NRXN3: variants seen among roughly 807,000 people sequenced by gnomAD.
The protein encoded by NRXN3 is neurexin III.
Under a neutral mutation model 137.6 loss-of-function variants are expected in NRXN3, and 32 were observed. That is an observed-to-expected ratio of 0.23 (90% CI 0.18 to 0.31). The LOEUF (loss-of-function observed/expected upper bound fraction) is 0.31. Among genes scored for constraint, NRXN3 ranks in the 10% least tolerant of loss-of-function variants. The probability of loss-of-function intolerance (pLI) is 1.00; values close to 1 mark genes in which losing one functional copy is unlikely to be tolerated. For synonymous variants in NRXN3, 798 were observed against 784.5 expected (o/e 1.02, Z -0.29); for missense variants, 1,574 against 2,062.5 (o/e 0.76, Z 4.59).
chr14:78,996,073 T>C (rs547776867), intron 15 of NRXN3, among the ~76,000 whole-genome samples: 40 of 152,340 alleles, frequency 2.6e-4, no homozygotes, highest in Admixed American at 1.2e-3. Context: ...AGTGTCCTTT[T>C]ATAACATTAG....
intron 10 of NRXN3, among the ~76,000 whole-genome samples, chr14:78,842,723 G>T (rs181414651): frequency 1.1e-4 from 16 of 151,986 alleles, no homozygotes; most frequent in Admixed American, 5.3e-4. Flanking sequence ...AAAGACAGCC[G>T]CCCCCAAAGT....
At chr14:79,702,682 G>A (rs754626353) in intron 19 of NRXN3, among the ~76,000 whole-genome samples, 1 of 152,012 alleles carries the variant, frequency 6.6e-6, no homozygotes, top group Non-Finnish European at 1.5e-5. Context: ...AGGGCCCAGA[G>A]GGGTAAACTG....
chr14:78,595,492 G>A (rs2097151244), intron 4 of NRXN3, among the ~76,000 whole-genome samples: 1 of 151,878 alleles, frequency 6.6e-6, no homozygotes, highest in Non-Finnish European at 1.5e-5. Flanking sequence ...TAGACTGGGG[G>A]GTGGCAGATG....
intron 15 of NRXN3, among the ~76,000 whole-genome samples, chr14:79,228,867 G>GT (rs1189632462): frequency 6.6e-6 from 1 of 152,046 alleles, no homozygotes; most frequent in South Asian, 2.1e-4. Flanking sequence ...TCACCTTTTA[G>GT]TTTTTTTAGA....
At chr14:78,867,383 A>T (rs2152553696) in intron 10 of NRXN3, among the ~76,000 whole-genome samples, 1 of 152,346 alleles carries the variant, frequency 6.6e-6, no homozygotes, top group South Asian at 2.1e-4. Context: ...CTTTTTAAAA[A>T]GATGTCTATT....
chr14:79,460,124 C>T (rs1199671199), intron 15 of NRXN3, among the ~76,000 whole-genome samples: 3 of 152,012 alleles, frequency 2.0e-5, no homozygotes, highest in Non-Finnish European at 4.4e-5. Context: ...AAACTATGTG[C>T]GTGTGTATTT....
chr14:79,737,212 G>C, intron 19 of NRXN3, among the ~76,000 whole-genome samples: 1 of 152,120 alleles, frequency 6.6e-6, no homozygotes, highest in Admixed American at 6.5e-5. Context: ...CCCGATTATT[G>C]GCCCATGGGT....
At chr14:79,279,491 C>T in intron 15 of NRXN3, 1 of 986,352 alleles carries the variant, frequency 1.0e-6, no homozygotes, top group Non-Finnish European at 1.2e-6. Flanking sequence ...GCTGATTTCG[C>T]CCACCCACCT....
chr14:79,307,528 A>G (rs2086301915), intron 15 of NRXN3, among the ~76,000 whole-genome samples: 1 of 152,128 alleles, frequency 6.6e-6, no homozygotes, highest in African/African-American at 2.4e-5. Flanking sequence ...ATTCAGGAGC[A>G]GCCTAGCTGG....
intron 14 of NRXN3, among the ~76,000 whole-genome samples, chr14:78,974,518 C>T (rs765627413): frequency 1.3e-5 from 2 of 152,094 alleles, no homozygotes; most frequent in Admixed American, 1.3e-4. Flanking sequence ...TTTACCAAAG[C>T]GTAGATACAG....
At chr14:79,256,725 G>T (rs189567033) in intron 15 of NRXN3, among the ~76,000 whole-genome samples, 2 of 152,208 alleles carry the variant, frequency 1.3e-5, no homozygotes, top group Non-Finnish European at 2.9e-5. Flanking sequence ...GCTTTCTCTC[G>T]GGTCACAATT....
chr14:78,306,953 T>A (rs1273920193), intron 4 of NRXN3, among the ~76,000 whole-genome samples: 4 of 152,098 alleles, frequency 2.6e-5, no homozygotes, highest in Admixed American at 2.6e-4. Context: ...AAGCCTTAAA[T>A]GCATTGTTTT....
intron 4 of NRXN3, among the ~76,000 whole-genome samples, chr14:78,632,868 G>T (rs1317086132): frequency 6.6e-6 from 1 of 152,064 alleles, no homozygotes; most frequent in Non-Finnish European, 1.5e-5. Context: ...GCATAATACA[G>T]GTTCAATAAA....
At chr14:78,853,685 A>G (rs2099049179) in intron 10 of NRXN3, among the ~76,000 whole-genome samples, 1 of 152,156 alleles carries the variant, frequency 6.6e-6, no homozygotes, top group South Asian at 2.1e-4. Context: ...ATTTGGCAAT[A>G]CTATGTCTCT....
At chr14:78,934,458 T>C (rs188661245) in intron 10 of NRXN3, among the ~76,000 whole-genome samples, 92 of 152,178 alleles carry the variant, frequency 6.0e-4, no homozygotes, top group African/African-American at 2.1e-3. Flanking sequence ...TTTTCAGATC[T>C]CCTCTATGGG....
chr14:78,696,757 A>T (rs1158444445), intron 6 of NRXN3, among the ~76,000 whole-genome samples: 1 of 152,042 alleles, frequency 6.6e-6, no homozygotes, highest in African/African-American at 2.4e-5. Flanking sequence ...GTATTGTCAC[A>T]TCTTGGTTTG....
chr14:79,800,767 A>G (rs2099176052), intron 19 of NRXN3, among the ~76,000 whole-genome samples: 1 of 152,202 alleles, frequency 6.6e-6, no homozygotes, highest in Non-Finnish European at 1.5e-5. Context: ...GAAAAAGCCA[A>G]AACAACAACA....
intron 4 of NRXN3, among the ~76,000 whole-genome samples, chr14:78,624,408 G>C (rs972102216): frequency 1.1e-4 from 16 of 152,206 alleles, no homozygotes; most frequent in African/African-American, 3.9e-4. Flanking sequence ...ACTCGAAGCA[G>C]AACAGAGGAT....
intron 15 of NRXN3, among the ~76,000 whole-genome samples, chr14:79,387,195 T>C (rs1048076069): frequency 7.9e-5 from 12 of 152,116 alleles, no homozygotes; most frequent in South Asian, 6.2e-4. Flanking sequence ...ATTTTTGCAA[T>C]CTACTCATCT....
Sources: gnomAD v4.1 joint callset for allele counts (sites outside exome capture counted in the v4.1 genomes callset) on GRCh38, gnomAD v4.1.1 for gene constraint, MANE v1.5 for transcripts, NCBI Gene and HGNC (gene_info 2026-07-23, HGNC 2026-07-21) for gene names.